The following CCDC178 variants were observed in gnomAD, a reference collection of about 807,000 sequenced individuals.
CCDC178 encodes coiled-coil domain-containing protein 178.
CCDC178 carries 126 observed loss-of-function variants against 117.4 expected under a neutral mutation model. That is an observed-to-expected ratio of 1.07 (90% CI 0.93 to 1.24). The LOEUF (loss-of-function observed/expected upper bound fraction) is 1.24, where lower values mean the gene tolerates loss of function less well. Among genes scored for constraint, CCDC178 ranks in the 50% most tolerant of loss-of-function variants. CCDC178 has a pLI of 0.00. For synonymous variants in CCDC178, 283 were observed against 313.4 expected, an observed-to-expected ratio of 0.90 and a Z score of 1.02; for missense variants, 1,030 against 986.9, an observed-to-expected ratio of 1.04 and a Z score of -0.59.
At chr18:33,314,200 CAAA>C (rs869127341) in intron 11 of CCDC178, among the ~76,000 whole-genome samples, 5,563 of 61,980 alleles carry the variant, frequency 0.09, 74 homozygotes, top group Non-Finnish European at 0.11. Flanking sequence ...GACTCCGTCT[CAAA>C]AAAAAAAAAA....
intron 21 of CCDC178, among the ~76,000 whole-genome samples, chr18:32,991,005 A>C (rs553172303): frequency 4.0e-5 from 6 of 151,364 alleles, no homozygotes; most frequent in African/African-American, 1.4e-4. Flanking sequence ...GCTTTAAATA[A>C]AAATTATTAT....
chr18:33,209,808 C>G (rs2059085973), intron 20 of CCDC178, among the ~76,000 whole-genome samples: 1 of 152,034 alleles, frequency 6.6e-6, no homozygotes, highest in Admixed American at 6.6e-5. Context: ...GGTTATCTGA[C>G]AAGCACTGTT....
At chr18:33,345,175 C>T (rs2062873821) in intron 9 of CCDC178, among the ~76,000 whole-genome samples, 1 of 152,024 alleles carries the variant, frequency 6.6e-6, no homozygotes, top group Admixed American at 6.5e-5. Context: ...TATATGGGCA[C>T]CCTAATATTA....
intron 5 of CCDC178, among the ~76,000 whole-genome samples, chr18:33,381,846 AT>A (rs147897596): frequency 2.0e-3 from 288 of 144,450 alleles, no homozygotes; most frequent in Middle Eastern, 3.7e-3. Context: ...TTTATATTCT[AT>A]TTTTTTTTTC....
intron 5 of CCDC178, among the ~76,000 whole-genome samples, chr18:33,371,613 G>A (rs2063301082): frequency 6.6e-6 from 1 of 151,666 alleles, no homozygotes. Flanking sequence ...TATATTTCAG[G>A]GCATCCTGAA....
At chr18:32,941,337 G>A (rs1217116484) in intron 22 of CCDC178, among the ~76,000 whole-genome samples, 1 of 152,012 alleles carries the variant, frequency 6.6e-6, no homozygotes, top group Non-Finnish European at 1.5e-5. Flanking sequence ...CCTCATATGA[G>A]CTGAGAGTGA....
intron 15 of CCDC178, among the ~76,000 whole-genome samples, chr18:33,233,825 A>G (rs2059395972): frequency 6.6e-6 from 1 of 152,158 alleles, no homozygotes; most frequent in African/African-American, 2.4e-5. Context: ...GCCAATAATT[A>G]GCATAACCAG....
Position 33,362,200 on chromosome 18 carries a change from T to TAC in CCDC178, c.349-5855_349-5854insGT, listed in dbSNP as rs1448253766. 4.7e-5 allele frequency among the ~76,000 whole-genome samples: 7 copies of TAC among 150,442 alleles called. No individual in the cohort carries two copies. In the East Asian group the frequency reaches 1.2e-3, roughly 25 times the overall value. ...GTATGTATATATATACATATATATA[T>TAC]ATATAGCTAATATTCAGCCTTATAA... On this transcript the variant is annotated intron_variant, in intron 6 of 22. Transcript: ENST00000383096.
At chr18:33,292,021 CA>C (rs554196569) in intron 12 of CCDC178, among the ~76,000 whole-genome samples, 37 of 141,842 alleles carry the variant, frequency 2.6e-4, no homozygotes, top group East Asian at 6.3e-4. Flanking sequence ...GGAGATTCCT[CA>C]AAAAAAAAAA....
intron 20 of CCDC178, among the ~76,000 whole-genome samples, chr18:33,122,633 C>A (rs1416500582): frequency 6.6e-6 from 1 of 152,028 alleles, no homozygotes; most frequent in African/African-American, 2.4e-5. Flanking sequence ...AAACAAACAG[C>A]CATGGACAGA....
Position 33,293,245 on chromosome 18 carries a change from T to A in CCDC178, c.1090A>T (p.Asn364Tyr). Residue 364 changes from asparagine to tyrosine, a missense_variant, in exon 12 of 23, where the codon AAT becomes TAT. Asn to Tyr is a moderately radical substitution (Grantham distance 143). Transcript: ENST00000383096. ...ACTTCCTCTTCCTTCTCCTCAATAT[T>A]AGTATTAACATTTATCACTGATGAA... The part of the protein sequence containing the change: ...YSSSVINVNT[N>Y]IEEKEEEVTE... 1 of 1,563,280 alleles carries A rather than the reference T, an allele frequency of 6.4e-7. No individual in the cohort carries two copies. The highest frequency in any genetic ancestry group is 8.8e-7 in the Non-Finnish European group (1 of 1,135,898).
At chr18:33,394,557 T>C (rs1363808049) in intron 4 of CCDC178, among the ~76,000 whole-genome samples, 4 of 151,940 alleles carry the variant, frequency 2.6e-5, no homozygotes, top group Admixed American at 6.6e-5. Flanking sequence ...AGAAGGTTTT[T>C]TCATTGCAAG....
intron 21 of CCDC178, chr18:32,983,209 G>C: frequency 1.2e-6 from 1 of 861,740 alleles, no homozygotes; most frequent in South Asian, 1.5e-5. Context: ...GTGACAATGT[G>C]TGACACTTGT....
At chr18:33,334,662 T>C (rs2062716620) in intron 9 of CCDC178, among the ~76,000 whole-genome samples, 1 of 152,076 alleles carries the variant, frequency 6.6e-6, no homozygotes, top group Non-Finnish European at 1.5e-5. Context: ...TCTATAGTTG[T>C]GCTGTGATCA....
chr18:33,161,940 G>A (rs2058470161), intron 20 of CCDC178, among the ~76,000 whole-genome samples: 2 of 152,148 alleles, frequency 1.3e-5, no homozygotes, highest in Admixed American at 6.6e-5. Context: ...ACCCAGTAAT[G>A]GGATTGCTGG....
chr18:33,064,084 A>T (rs1354526366), intron 21 of CCDC178, among the ~76,000 whole-genome samples: 3 of 152,366 alleles, frequency 2.0e-5, no homozygotes, highest in Middle Eastern at 3.4e-3. Flanking sequence ...GTTACACTAA[A>T]TGTGCAGATA....
At chr18:33,365,491 T>C (rs2063190673) in intron 6 of CCDC178, among the ~76,000 whole-genome samples, 1 of 152,110 alleles carries the variant, frequency 6.6e-6, no homozygotes, top group South Asian at 2.1e-4. Flanking sequence ...TTTCCTCATC[T>C]GCAACTGGAA....
At chr18:33,436,769 A>T (rs2064297812) in intron 2 of CCDC178, among the ~76,000 whole-genome samples, 1 of 152,230 alleles carries the variant, frequency 6.6e-6, no homozygotes, top group Non-Finnish European at 1.5e-5. Flanking sequence ...AAGGCTGGTA[A>T]CATAGCTAGA....
intron 11 of CCDC178, among the ~76,000 whole-genome samples, chr18:33,321,376 A>C (rs563858222): frequency 4.1e-4 from 63 of 152,348 alleles, no homozygotes; most frequent in African/African-American, 1.5e-3. Flanking sequence ...TCTACAAAGA[A>C]AGTAATCTTA....
Sources: allele counts gnomAD v4.1 joint callset (sites outside exome capture counted in the v4.1 genomes callset), GRCh38; gene constraint gnomAD v4.1.1; transcripts MANE v1.5; gene names NCBI Gene and HGNC (gene_info 2026-07-23, HGNC 2026-07-21).